RGL1: variants seen among roughly 807,000 people sequenced by gnomAD.
The protein encoded by RGL1 is ral guanine nucleotide dissociation stimulator-like 1.
A neutral mutation model predicts 95.2 loss-of-function variants in RGL1; 24 were observed. The observed-to-expected ratio is 0.25, with a 90% CI of 0.18 to 0.35. The LOEUF (loss-of-function observed/expected upper bound fraction) is 0.35. Ranked by LOEUF, RGL1 falls within the 10% of genes least tolerant of loss-of-function variation. RGL1 has a pLI of 1.00. For missense variants in RGL1, 715 were observed against 936.3 expected (o/e 0.76, Z 3.08); for synonymous variants, 329 against 344.9 (o/e 0.95, Z 0.51).
chr1:183,828,554 T>C (rs12132318), intron 2 of RGL1, among the ~76,000 whole-genome samples: 5,322 of 152,284 alleles, frequency 0.035, 118 homozygotes, highest in Middle Eastern at 0.068. Flanking sequence ...CTGGGTTCTG[T>C]CTTTCGACTC....
At chr1:183,686,738 C>A (rs1247334346) in intron 1 of RGL1, among the ~76,000 whole-genome samples, 1 of 152,078 alleles carries the variant, frequency 6.6e-6, no homozygotes, top group African/African-American at 2.4e-5. Context: ...CTTTAAATAC[C>A]ATCTGTATTT....
chr1:183,638,715 G>T (rs1046771263), intron 1 of RGL1, among the ~76,000 whole-genome samples: 2 of 152,048 alleles, frequency 1.3e-5, no homozygotes, highest in Admixed American at 6.6e-5. Context: ...TGATATAAAA[G>T]ATTTATAAGG....
At chr1:183,806,083 A>T (rs769736415) in intron 1 of RGL1, among the ~76,000 whole-genome samples, 13 of 150,286 alleles carry the variant, frequency 8.7e-5, no homozygotes, top group Non-Finnish European at 1.3e-4. Flanking sequence ...TTTGTAAAGA[A>T]AAAGAAAGAC....
chr1:183,883,945 C>A (rs758876715), intron 6 of RGL1, 35 bp downstream of exon 6: 1 of 1,610,150 alleles, frequency 6.2e-7, no homozygotes, highest in East Asian at 2.2e-5. Context: ...TGTACTTTCA[C>A]TTAAAACATA....
chr1:183,836,605 C>T (rs1046825137), intron 2 of RGL1, among the ~76,000 whole-genome samples: 7 of 152,062 alleles, frequency 4.6e-5, no homozygotes, highest in South Asian at 2.1e-4. Context: ...TCAGGATACA[C>T]GCAACTGTTT....
intron 2 of RGL1, among the ~76,000 whole-genome samples, chr1:183,816,562 A>G (rs1662102872): frequency 6.6e-6 from 1 of 152,122 alleles, no homozygotes; most frequent in South Asian, 2.1e-4. Context: ...TGGCGTTAAT[A>G]TCTGTTTTTA....
chr1:183,762,294 C>T (rs1377797785), intron 2 of RGL1, among the ~76,000 whole-genome samples: 1 of 152,124 alleles, frequency 6.6e-6, no homozygotes, highest in Non-Finnish European at 1.5e-5. Context: ...GTAACTCTTC[C>T]TTTCATTTGA....
chr1:183,795,675 T>C (rs1259696362), intron 2 of RGL1, among the ~76,000 whole-genome samples: 1 of 152,202 alleles, frequency 6.6e-6, no homozygotes, highest in East Asian at 1.9e-4. Flanking sequence ...TACTGAGCAA[T>C]GAGGAGCCAC....
intron 1 of RGL1, among the ~76,000 whole-genome samples, chr1:183,654,580 T>C (rs1306546054): frequency 6.6e-6 from 1 of 152,234 alleles, no homozygotes; most frequent in African/African-American, 2.4e-5. Context: ...TGCTCAGTTC[T>C]GTAAGAAAGT....
intron 8 of RGL1, among the ~76,000 whole-genome samples, 188 bp downstream of exon 8, chr1:183,888,765 A>AAACTCATTCT (rs1353237518): frequency 6.6e-6 from 1 of 152,208 alleles, no homozygotes; most frequent in Non-Finnish European, 1.5e-5. Flanking sequence ...TGCAGAAATC[A>AAACTCATTCT]AACTCATTCT....
intron 1 of RGL1, among the ~76,000 whole-genome samples, chr1:183,682,677 T>TTAGA (rs1240343468): frequency 6.6e-6 from 1 of 152,210 alleles, no homozygotes; most frequent in African/African-American, 2.4e-5. Context: ...TAGACGTCTA[T>TTAGA]TAGATGTGCT....
chr1:183,736,465 G>T (rs1234634686), intron 1 of RGL1, among the ~76,000 whole-genome samples: 3 of 152,214 alleles, frequency 2.0e-5, no homozygotes, highest in Admixed American at 1.3e-4. Context: ...GTAGCTTCAT[G>T]ATTTTAACTC....
intron 2 of RGL1, among the ~76,000 whole-genome samples, chr1:183,845,211 C>CAA (rs1229539508): frequency 1.3e-5 from 2 of 152,188 alleles, no homozygotes; most frequent in African/African-American, 4.8e-5. Flanking sequence ...AGATAAACCG[C>CAA]CTGGCGATTG....
rs1268730554 is a variant in RGL1 at position 183,912,229 on chromosome 1, C to T, written c.1710C>T (p.Ser570=). The change falls in exon 15 of 18, where the codon TCC becomes TCT. Residue 570 remains serine (S), a synonymous_variant. Transcript: ENST00000360851. ...ESNHSEAEEG[S]ITPMDTPDEP... ...ACCACTCAGAGGCTGAGGAGGGCTC[C>T]ATTACTCCCATGGACACCCCTGATG... 1.4e-5 allele frequency: 23 copies of T among 1,613,912 alleles called. No homozygotes were observed. Among genetic ancestry groups the T allele is most frequent in the Non-Finnish European group, 1.9e-5 (23 of 1,179,990 alleles).
intron 2 of RGL1, among the ~76,000 whole-genome samples, chr1:183,742,822 T>TTAAA (rs1293924434): frequency 3.3e-5 from 5 of 152,138 alleles, no homozygotes; most frequent in African/African-American, 1.2e-4. Flanking sequence ...ATTTTTATTA[T>TTAAA]GCGTTTGAGG....
chr1:183,685,560 A>C (rs1189242586), intron 1 of RGL1, among the ~76,000 whole-genome samples: 1 of 152,224 alleles, frequency 6.6e-6, no homozygotes, highest in Non-Finnish European at 1.5e-5. Context: ...AATATTAAAA[A>C]CTACAGTTAT....
chr1:183,904,770 T>G, intron 12 of RGL1, 80 bp from the exon 13 acceptor site: 1 of 1,419,788 alleles, frequency 7.0e-7, no homozygotes, highest in Non-Finnish European at 9.6e-7. Context: ...TGGTATATTT[T>G]CATGTTGAAA....
chr1:183,802,576 T>C (rs1010597092), upstream of RGL1, among the ~76,000 whole-genome samples: 11 of 144,506 alleles, frequency 7.6e-5, no homozygotes, highest in East Asian at 2.0e-4. Flanking sequence ...AAACACGGGA[T>C]GTCTTTCTAT....
At chr1:183,772,793 A>T (rs1033900847) in intron 2 of RGL1, among the ~76,000 whole-genome samples, 6 of 151,238 alleles carry the variant, frequency 4.0e-5, no homozygotes, top group Non-Finnish European at 8.8e-5. Flanking sequence ...GTGGATCATG[A>T]GGTCAGGAGA....
Sources: allele counts gnomAD v4.1 joint callset (sites outside exome capture counted in the v4.1 genomes callset), GRCh38; gene constraint gnomAD v4.1.1; transcripts MANE v1.5; gene names NCBI Gene and HGNC (gene_info 2026-07-23, HGNC 2026-07-21).